Variants in ASTN2 observed in about 807,000 individuals in gnomAD.
ASTN2 encodes astrotactin-2.
A neutral mutation model predicts 139.8 loss-of-function variants in ASTN2; 54 were observed. The observed-to-expected ratio is 0.39, with a 90% CI of 0.31 to 0.48. The LOEUF (loss-of-function observed/expected upper bound fraction) is 0.48, where lower values mean the gene tolerates loss of function less well. ASTN2 is among the 20% of genes least tolerant of loss of function. The probability of loss-of-function intolerance (pLI) is 0.95; values close to 1 mark genes in which losing one functional copy is unlikely to be tolerated. For synonymous variants in ASTN2, 756 were observed against 719.5 expected, an observed-to-expected ratio of 1.05 and a Z score of -0.81; for missense variants, 1,565 against 1,725.1, an observed-to-expected ratio of 0.91 and a Z score of 1.64.
chr9:117,389,653 CCATT>C (rs1263028371), intron 1 of ASTN2, among the ~76,000 whole-genome samples: 1 of 152,132 alleles, frequency 6.6e-6, no homozygotes, highest in African/African-American at 2.4e-5. Context: ...TGGTATCTAT[CCATT>C]TATTTGCTCC....
chr9:116,679,030 G>A (rs903308001), intron 16 of ASTN2, among the ~76,000 whole-genome samples: 4 of 152,156 alleles, frequency 2.6e-5, no homozygotes, highest in Non-Finnish European at 4.4e-5. Flanking sequence ...AGGCAAGACA[G>A]AAAAGAGACA....
intron 11 of ASTN2, among the ~76,000 whole-genome samples, chr9:116,848,417 T>C (rs1304632282): frequency 4.6e-5 from 7 of 152,198 alleles, no homozygotes; most frequent in South Asian, 2.1e-4. Flanking sequence ...CCTAAGAGCA[T>C]TGAATGTGCA....
intron 10 of ASTN2, among the ~76,000 whole-genome samples, chr9:116,888,630 C>A (rs569401252): frequency 6.6e-6 from 1 of 152,098 alleles, no homozygotes; most frequent in South Asian, 2.1e-4. Flanking sequence ...TCAAGCAAGT[C>A]TCATGCCTCA....
At chr9:116,445,667 G>A (rs781231871) in intron 20 of ASTN2, among the ~76,000 whole-genome samples, 10 of 152,102 alleles carry the variant, frequency 6.6e-5, no homozygotes, top group Non-Finnish European at 1.0e-4. Flanking sequence ...TCCAATTGCT[G>A]GCTGAATATT....
chr9:116,686,710 G>A (rs1263830280), intron 16 of ASTN2: 24 of 1,550,470 alleles, frequency 1.5e-5, no homozygotes, highest in Middle Eastern at 1.7e-4. Flanking sequence ...CAGTCTGCAG[G>A]GACAGGGGCT....
intron 19 of ASTN2, among the ~76,000 whole-genome samples, chr9:116,508,135 C>A (rs1587904143): frequency 6.6e-6 from 1 of 152,178 alleles, no homozygotes; most frequent in Non-Finnish European, 1.5e-5. Flanking sequence ...AGGTGATCCA[C>A]CCGCCTTGGC....
chr9:116,732,991 T>C (rs2132126275), intron 14 of ASTN2, among the ~76,000 whole-genome samples: 1 of 152,348 alleles, frequency 6.6e-6, no homozygotes. Context: ...GAGGGGCTCC[T>C]GATTGGAGAG....
chr9:117,349,648 T>C (rs995668223), intron 1 of ASTN2, among the ~76,000 whole-genome samples: 4 of 152,172 alleles, frequency 2.6e-5, no homozygotes, highest in African/African-American at 9.7e-5. Context: ...TCCTTCAGTG[T>C]AGACTGGACT....
In ASTN2 at chr9:116,860,635, G is replaced by C. The variant is rs1832852199; in HGVS notation, c.2040+2948C>G. On this transcript the variant is annotated intron_variant, in intron 11 of 22. Coordinates refer to ENST00000313400, the MANE Select transcript of ASTN2 (RefSeq NM_001365068.1). ...CAACGAGAACTCATCTCAGCTCCCA[G>C]TGTGGGAAAGCAAGCCAAAGTGGCC... 3.9e-5 allele frequency among the ~76,000 whole-genome samples: 6 copies of C among 152,186 alleles called. No homozygotes were observed. In the South Asian group the frequency reaches 1.2e-3, roughly 31 times the overall value.
chr9:116,936,735 G>C (rs1835094143), intron 10 of ASTN2, among the ~76,000 whole-genome samples: 1 of 152,104 alleles, frequency 6.6e-6, no homozygotes, highest in Non-Finnish European at 1.5e-5. Flanking sequence ...CTAATTTGAA[G>C]GGTGAATCTG....
At chr9:117,077,056 T>C (rs1034975138) in intron 5 of ASTN2, among the ~76,000 whole-genome samples, 7 of 152,264 alleles carry the variant, frequency 4.6e-5, no homozygotes, top group African/African-American at 1.7e-4. Context: ...TGTTGCCCTC[T>C]GCATGGTAAC....
rs568197538 is a variant in ASTN2, at chr9:116,706,237, T to G, written c.2806+19534A>C. ...AAAATTCTGAAATAATATCAAATTT[T>G]TCTCCCCTCAGAAGCCTACGCCAAA... On this transcript the variant is annotated intron_variant, in intron 16 of 22. Coordinates refer to ENST00000313400, the MANE Select transcript of ASTN2 (RefSeq NM_001365068.1). Among the ~76,000 whole-genome samples the G allele has an allele frequency of 9.8e-5, 15 of 152,302 alleles. No individual in the cohort carries two copies. The South Asian group carries it at 3.1e-3, about 32-fold the overall frequency.
At chr9:117,026,869 G>C (rs966545567) in intron 6 of ASTN2, among the ~76,000 whole-genome samples, 16 of 151,750 alleles carry the variant, frequency 1.1e-4, no homozygotes, top group African/African-American at 3.6e-4. Context: ...CACCCTTTAA[G>C]GTGGTTTACT....
intron 11 of ASTN2, among the ~76,000 whole-genome samples, chr9:116,839,954 G>A (rs1588340638): frequency 6.8e-6 from 1 of 146,120 alleles, no homozygotes; most frequent in Non-Finnish European, 1.5e-5. Flanking sequence ...CAGGACAATA[G>A]TGGAGGGAAG....
At chr9:116,500,670 G>A (rs1268990418) in intron 19 of ASTN2, among the ~76,000 whole-genome samples, 1 of 152,170 alleles carries the variant, frequency 6.6e-6, no homozygotes, top group African/African-American at 2.4e-5. Context: ...ATGATTCTAA[G>A]CAAGTGACGT....
chr9:117,262,213 G>A (rs932842942), intron 2 of ASTN2, among the ~76,000 whole-genome samples: 9 of 152,008 alleles, frequency 5.9e-5, no homozygotes, highest in Admixed American at 3.3e-4. Context: ...GGAGAAAGGA[G>A]GAGGCCACAC....
intron 17 of ASTN2, among the ~76,000 whole-genome samples, chr9:116,636,596 CGTTTGAACCCGGGAGGTGGAG>C (rs1017925025): frequency 6.6e-5 from 10 of 152,018 alleles, no homozygotes; most frequent in South Asian, 2.1e-4. Context: ...GCAGGAAAAT[CGTTTGAACCCGGGAGGTGGAG>C]GTTGCAGTGA....
At chr9:116,678,097 A>G (rs1012420921) in intron 16 of ASTN2, among the ~76,000 whole-genome samples, 1 of 152,264 alleles carries the variant, frequency 6.6e-6, no homozygotes, top group Non-Finnish European at 1.5e-5. Context: ...AAATAAAGAC[A>G]GTTTTAAAGA....
At chr9:116,531,123 G>A (rs1429510323) in intron 19 of ASTN2, among the ~76,000 whole-genome samples, 2 of 152,134 alleles carry the variant, frequency 1.3e-5, no homozygotes, top group African/African-American at 4.8e-5. Flanking sequence ...TGAGTTAGGG[G>A]CATAGTCTGT....
Sources: gnomAD v4.1 joint callset for allele counts (sites outside exome capture counted in the v4.1 genomes callset) on GRCh38, gnomAD v4.1.1 for gene constraint, MANE v1.5 for transcripts, NCBI Gene and HGNC (gene_info 2026-07-23, HGNC 2026-07-21) for gene names.